PLA2G6: variants seen among roughly 807,000 people sequenced by gnomAD.
PLA2G6 encodes the protein phospholipase A2 group VI.
In PLA2G6, 62 loss-of-function variants were observed where a neutral mutation model predicts 83.8. That is an observed-to-expected ratio of 0.74 (90% confidence interval 0.60 to 0.91). The LOEUF is 0.91. PLA2G6 is among the 40% of genes least tolerant of loss of function. The probability of loss-of-function intolerance (pLI) is 0.00; values close to 1 mark genes in which losing one functional copy is unlikely to be tolerated. For missense variants in PLA2G6, 944 were observed against 1,102.0 expected, an observed-to-expected ratio of 0.86 and a Z score of 2.03; for synonymous variants, 417 against 449.8, an observed-to-expected ratio of 0.93 and a Z score of 0.92.
chr22:38,132,675 G>A lies in PLA2G6; in HGVS notation c.1077+156C>T, dbSNP rs2088289299. The A allele has an allele frequency of 1.5e-6, 1 of 679,774 alleles. No homozygotes were observed. The highest frequency in any genetic ancestry group is 1.8e-5 in the African/African-American group (1 of 56,094). 42.1% of individuals were successfully genotyped at this position (679,774 alleles called of 1,614,324 possible). ...AGGGGGACTTGGAAGGCTTCCTGAG[G>A]GAGGAGTCAGGGTCTGAACTGAGCT... On this transcript the variant is annotated intron_variant, in intron 7 of 16. Coordinates refer to ENST00000332509, the MANE Select transcript of PLA2G6 (RefSeq NM_003560.4). This position sits in a 1 kb window ranked among gnomAD's most constrained non-coding sequence, Gnocchi z 5.0.
chr22:38,171,899 C>T (rs1435012983), intron 1 of PLA2G6, among the ~76,000 whole-genome samples: 1 of 151,970 alleles, frequency 6.6e-6, no homozygotes, highest in East Asian at 1.9e-4. Context: ...CGGGTTCAAG[C>T]GATCTGCCTG....
chr22:38,128,492 G>A lies in PLA2G6; in HGVS notation c.1187-62C>T. ...TCAGAAATGATGTCAACATGCAAAG[G>A]AGAGGCCCCTCCTTTCCACACTCCG... On this transcript the variant is annotated intron_variant, in intron 8 of 16. Transcript: ENST00000332509. This position sits in a 1 kb window ranked among gnomAD's most constrained non-coding sequence, Gnocchi z 4.4. The A allele has an allele frequency of 1.9e-6, 3 of 1,566,880 alleles. No homozygotes were observed. The highest frequency in any genetic ancestry group is 2.3e-5 in the East Asian group (1 of 44,226).
chr22:38,115,381 G>C, intron 14 of PLA2G6, 146 bp downstream of exon 14: 2 of 741,184 alleles, frequency 2.7e-6, no homozygotes, highest in Non-Finnish European at 4.8e-6. Context: ...GTTCCAGTGA[G>C]ATCAATTTGC....
At chr22:38,119,391 T>C (rs544576824) in intron 12 of PLA2G6, among the ~76,000 whole-genome samples, 1 of 152,306 alleles carries the variant, frequency 6.6e-6, no homozygotes, top group Non-Finnish European at 1.5e-5. Flanking sequence ...AAACATTAAA[T>C]TGGATCTTGG....
chr22:38,171,299 CCCTGAT>C (rs2145938998), intron 1 of PLA2G6, among the ~76,000 whole-genome samples: 1 of 152,316 alleles, frequency 6.6e-6, no homozygotes, highest in Non-Finnish European at 1.5e-5. Flanking sequence ...TCTGAGAAAG[CCCTGAT>C]CCTTCTTCAA....
rs587784358 is a variant in PLA2G6, at chr22:38,140,121, C to G, written c.658G>C (p.Gly220Arg). Residue 220 changes from glycine to arginine, a missense_variant, in exon 5 of 17, where the codon GGG (glycine) becomes CGG (arginine). Transcript: ENST00000332509. ...CAGGCCAGGTGCAGCGGGGTCAGCC[C>G]TTGGTTATTCACCTGGTTCAGGCCA... ...VAGLNQVNNQ[G>R]LTPLHLACQL... 1 of 1,614,168 alleles carries G rather than the reference C, an allele frequency of 6.2e-7. No homozygotes were observed. The highest frequency in any genetic ancestry group is 1.1e-5 in the South Asian group (1 of 91,076).
rs949091256 is a variant in PLA2G6, at chr22:38,112,719, G to A, written c.2203-142C>T. 4.2e-5 allele frequency: 30 copies of A among 721,408 alleles called. No homozygotes were observed. In the East Asian group the frequency reaches 8.1e-4, roughly 19 times the overall value. 44.7% of individuals were successfully genotyped at this position (721,408 alleles called of 1,614,324 possible). On this transcript the variant is annotated intron_variant, in intron 15 of 16. Coordinates refer to ENST00000332509, the MANE Select transcript of PLA2G6 (RefSeq NM_003560.4). ...TCAGGCTGAGCCACACAGCAGCAGA[G>A]CGGCTCGGGCAAAACCCCTTCCTGG...
chr22:38,115,881 C>G, intron 13 of PLA2G6, 194 bp downstream of exon 13: 1 of 1,479,854 alleles, frequency 6.8e-7, no homozygotes, highest in South Asian at 1.3e-5. Flanking sequence ...TGAGGACTTT[C>G]CAGGGACTTT....
chr22:38,128,503 C>A lies in PLA2G6; in HGVS notation c.1187-73G>T. 3 of 1,509,550 alleles carry A rather than the reference C, an allele frequency of 2.0e-6. No individual in the cohort carries two copies. Among genetic ancestry groups the A allele is most frequent in the Non-Finnish European group, 2.7e-6 (3 of 1,095,316 alleles). 93.5% of individuals were successfully genotyped at this position (1,509,550 alleles called of 1,614,324 possible). A position where few individuals can be genotyped will look rare whatever the true frequency, so the allele number is the denominator to read the frequency against. ...GTCAACATGCAAAGGAGAGGCCCCT[C>A]CTTTCCACACTCCGTCCCCTGTCCC... is the stretch of plus-strand genomic sequence containing the variant. On this transcript the variant is annotated intron_variant, in intron 8 of 16. Transcript: ENST00000332509. The surrounding 1 kb of genome is among the most constrained non-coding windows in gnomAD (Gnocchi z 4.4).
chr22:38,122,790 G>T lies in PLA2G6; in HGVS notation c.1591+305C>A, dbSNP rs11570733. On this transcript the variant is annotated intron_variant, in intron 11 of 16. Transcript: ENST00000332509. Reference sequence around the variant, plus strand: ...TGTGGCCCCTGGTGCCTGCTTTGCAGGGGTGAGGGGAGGAGGGGTTAAGGC... The same window carrying T: ...TGTGGCCCCTGGTGCCTGCTTTGCATGGGTGAGGGGAGGAGGGGTTAAGGC... 0.02 allele frequency among the ~76,000 whole-genome samples: 3,104 copies of T among 152,288 alleles called. 116 individuals carry two copies. Among genetic ancestry groups the T allele is most frequent in the African/African-American group, 0.071 (2,945 of 41,540 alleles).
At chr22:38,129,664 C>A in intron 7 of PLA2G6, 102 bp from the exon 8 acceptor site, 1 of 829,920 alleles carries the variant, frequency 1.2e-6, no homozygotes. Context: ...ACCCAGCGGG[C>A]CTCTCCTCAG....
chr22:38,120,142 C>A (rs1019593182), intron 12 of PLA2G6, among the ~76,000 whole-genome samples: 1 of 152,230 alleles, frequency 6.6e-6, no homozygotes, highest in African/African-American at 2.4e-5. Flanking sequence ...CAGCCCCGAA[C>A]GGGATGCATT....
At chr22:38,121,269 G>A (rs138167643) in intron 11 of PLA2G6, among the ~76,000 whole-genome samples, 50 of 152,178 alleles carry the variant, frequency 3.3e-4, no homozygotes, top group African/African-American at 1.1e-3. Flanking sequence ...CCAGCTACTC[G>A]GGAGGCTGAG....
At chr22:38,154,404 G>C (rs1051991905) in intron 2 of PLA2G6, among the ~76,000 whole-genome samples, 3 of 152,232 alleles carry the variant, frequency 2.0e-5, no homozygotes, top group African/African-American at 7.2e-5. Flanking sequence ...CCAGCACAGA[G>C]AGAGAGACTC....
At chr22:38,176,113 C>T (rs575226170) in intron 1 of PLA2G6, among the ~76,000 whole-genome samples, 1 of 152,188 alleles carries the variant, frequency 6.6e-6, no homozygotes, top group Non-Finnish European at 1.5e-5. Context: ...CCGGGAGAAC[C>T]TGTATCTAGC....
At chr22:38,139,355 T>C (rs2088746195) in intron 5 of PLA2G6, 1 of 152,196 alleles carries the variant, frequency 6.6e-6, no homozygotes, top group Non-Finnish European at 1.5e-5. Flanking sequence ...AGATTGGTTG[T>C]CTCCAGTTTT....
At chr22:38,124,845 G>A (rs773046153) in intron 10 of PLA2G6, among the ~76,000 whole-genome samples, 14 of 152,090 alleles carry the variant, frequency 9.2e-5, no homozygotes, top group Admixed American at 4.6e-4. Flanking sequence ...GAGGTGGCAG[G>A]GGAGAGACTA....
chr22:38,147,538 C>CTTTTTTTTT (rs35795447), intron 2 of PLA2G6: 2 of 124,942 alleles, frequency 1.6e-5, no homozygotes, highest in African/African-American at 3.2e-5. Context: ...CTCCTGAAGC[C>CTTTTTTTTT]TTTTTTTTTT....
intron 1 of PLA2G6, among the ~76,000 whole-genome samples, chr22:38,170,980 G>A (rs934478576): frequency 1.3e-5 from 2 of 152,128 alleles, no homozygotes; most frequent in South Asian, 2.1e-4. Context: ...AGACCAGCCT[G>A]ACCAACATGG....
Sources: allele counts gnomAD v4.1 joint callset (sites outside exome capture counted in the v4.1 genomes callset), GRCh38; gene constraint gnomAD v4.1.1; non-coding constraint Gnocchi (gnomAD v3.1); transcripts MANE v1.5; gene names NCBI Gene and HGNC (gene_info 2026-07-23, HGNC 2026-07-21).